The following HHIPL1 variants were observed in gnomAD, a reference collection of about 807,000 sequenced individuals.
HHIPL1 encodes the protein HHIP like 1.
A neutral mutation model predicts 61.8 loss-of-function variants in HHIPL1; 43 were observed. The ratio of observed to expected loss-of-function variants is 0.70; its 90% confidence interval spans 0.55 to 0.90. HHIPL1 has a LOEUF of 0.90. HHIPL1 is among the 40% of genes least tolerant of loss of function. The probability of loss-of-function intolerance (pLI) is 0.00; values close to 1 mark genes in which losing one functional copy is unlikely to be tolerated. For synonymous variants in HHIPL1, 482 were observed against 515.8 expected (o/e 0.93, Z 0.89); for missense variants, 1,056 against 1,157.7 (o/e 0.91, Z 1.28).
the HHIPL1 span, among the ~76,000 whole-genome samples, chr14:99,630,348 A>G: frequency 6.6e-6 from 1 of 152,158 alleles, no homozygotes; most frequent in Non-Finnish European, 1.5e-5. Context: ...GCGTTTCATC[A>G]TCTGACTCCG....
the HHIPL1 span, among the ~76,000 whole-genome samples, chr14:99,608,827 A>G: frequency 2.1e-3 from 318 of 152,298 alleles, no homozygotes; most frequent in African/African-American, 7.5e-3. Flanking sequence ...TGAGGCTCAC[A>G]CAGGTTAAGT....
intron 2 of HHIPL1, among the ~76,000 whole-genome samples, chr14:99,654,480 G>T (rs57416838): frequency 0.058 from 8,895 of 152,266 alleles, 597 homozygotes; most frequent in African/African-American, 0.16. Flanking sequence ...TCCTGCCAAT[G>T]CTGTCCACTG....
the HHIPL1 span, among the ~76,000 whole-genome samples, chr14:99,610,688 G>C: frequency 6.6e-6 from 1 of 152,110 alleles, no homozygotes; most frequent in Non-Finnish European, 1.5e-5. Flanking sequence ...TTGAACCCGG[G>C]AGGCAGAGGT....
the HHIPL1 span, among the ~76,000 whole-genome samples, chr14:99,617,815 A>G: frequency 6.6e-6 from 1 of 152,106 alleles, no homozygotes; most frequent in African/African-American, 2.4e-5. Flanking sequence ...ATTCATTTCC[A>G]GTTTGCAAAG....
intron 7 of HHIPL1, among the ~76,000 whole-genome samples, chr14:99,670,403 C>T (rs569829242): frequency 1.4e-4 from 21 of 152,282 alleles, no homozygotes; most frequent in African/African-American, 3.4e-4. Flanking sequence ...TGAGCCCCCA[C>T]GCCCAGACTC....
At chr14:99,661,697 T>G (rs781645376) in intron 5 of HHIPL1, among the ~76,000 whole-genome samples, 1 of 152,204 alleles carries the variant, frequency 6.6e-6, no homozygotes, top group Non-Finnish European at 1.5e-5. Context: ...TGAACTGGAC[T>G]CAAGCAATCC....
At chr14:99,608,356 A>G in the HHIPL1 span, among the ~76,000 whole-genome samples, 4 of 152,222 alleles carry the variant, frequency 2.6e-5, no homozygotes, top group Non-Finnish European at 4.4e-5. Flanking sequence ...GTATATGCCA[A>G]TGATTCTAAC....
the HHIPL1 span, among the ~76,000 whole-genome samples, chr14:99,630,316 C>CTGCA: frequency 1.3e-5 from 2 of 152,258 alleles, no homozygotes; most frequent in Admixed American, 1.3e-4. Context: ...CCTGGTCCAT[C>CTGCA]TGCAGTCCCT....
At chr14:99,606,133 A>G in the HHIPL1 span, among the ~76,000 whole-genome samples, 1 of 152,144 alleles carries the variant, frequency 6.6e-6, no homozygotes, top group South Asian at 2.1e-4. Context: ...ACAGATGGTC[A>G]GGGGAGGGTG....
chr14:99,670,553 CT>C lies in HHIPL1; in HGVS notation c.1731-1754del, dbSNP rs113346048. 3.1e-3 allele frequency among the ~76,000 whole-genome samples: 466 copies of C among 150,294 alleles called. 2 individuals are homozygous for C. The highest frequency in any genetic ancestry group is 0.01 in the African/African-American group (424 of 41,026). ...CTTCTCACTTTCCTTGTTTACCAGACTTTTTTTTTTCTTGTTTAAGAGCACA... is the reference window on the plus strand; with the variant it reads ...CTTCTCACTTTCCTTGTTTACCAGACTTTTTTTTTCTTGTTTAAGAGCACA... On this transcript the variant is annotated intron_variant, in intron 7 of 8. Coordinates refer to ENST00000330710, the MANE Select transcript of HHIPL1 (RefSeq NM_001127258.3).
At position 99,680,020 on chromosome 14, in the gene HHIPL1, T is replaced by A. The variant is rs2056425361; in HGVS notation, c.*4394T>A. 6.6e-6 allele frequency: 1 copy of A among 152,210 alleles called. No individual in the cohort carries two copies. The highest frequency in any genetic ancestry group is 1.5e-5 in the Non-Finnish European group (1 of 68,036). 9.4% of individuals were successfully genotyped at this position (152,210 alleles called of 1,614,324 possible). ...ACCTCGGGTGTGTCAGCTCATTTAA[T>A]CTTGACAACAGCTCCACGAGACACC... On this transcript the variant is annotated 3_prime_UTR_variant, in exon 9 of 9. Coordinates refer to ENST00000330710, the MANE Select transcript of HHIPL1 (RefSeq NM_001127258.3).
At chr14:99,645,079 G>A, upstream of HHIPL1, 1 of 787,432 alleles carries the variant, frequency 1.3e-6, no homozygotes, top group Non-Finnish European at 1.7e-6. Context: ...CTCCTAGAAG[G>A]GGAGGTCCCC....
Position 99,645,231 on chromosome 14 carries a change from G to A in HHIPL1, c.24G>A (p.Ala8=), listed in dbSNP as rs868110132. 2.3e-6 allele frequency: 3 copies of A among 1,328,882 alleles called. No homozygotes were observed. Among genetic ancestry groups the A allele is most frequent in the Middle Eastern group, 2.8e-4 (1 of 3,534 alleles). 82.3% of individuals were successfully genotyped at this position (1,328,882 alleles called of 1,614,324 possible). MARARAG[A]LLALWVLGAA... is the part of the protein sequence containing the mutation. ...CGATGGCCCGGGCCAGGGCCGGGGC[G>A]CTGCTGGCGCTTTGGGTGCTCGGGG... The change falls in exon 1 of 9, where the codon GCG becomes GCA. Residue 8 remains alanine (A), a synonymous_variant. Transcript: ENST00000330710.
At chr14:99,627,476 C>T in the HHIPL1 span, among the ~76,000 whole-genome samples, 1 of 152,238 alleles carries the variant, frequency 6.6e-6, no homozygotes, top group African/African-American at 2.4e-5. The surrounding 1 kb of genome is among the most constrained non-coding windows in gnomAD (Gnocchi z 4.4). Context: ...ATTCAGTTCC[C>T]ATCTCCTAAG....
chr14:99,642,670 C>T (rs747763547), upstream of HHIPL1, among the ~76,000 whole-genome samples: 1 of 151,924 alleles, frequency 6.6e-6, no homozygotes, highest in Non-Finnish European at 1.5e-5. Context: ...GGACTATAGG[C>T]GCCCATCACC....
intron 6 of HHIPL1, among the ~76,000 whole-genome samples, chr14:99,664,970 A>G (rs1288104250): frequency 6.6e-6 from 1 of 150,760 alleles, no homozygotes; most frequent in Non-Finnish European, 1.5e-5. Context: ...GCTGGAGTGA[A>G]GTGGTGCAAT....
At chr14:99,632,198 A>G in the HHIPL1 span, among the ~76,000 whole-genome samples, 39 of 152,362 alleles carry the variant, frequency 2.6e-4, no homozygotes, top group East Asian at 6.6e-3. Flanking sequence ...ACACAGGTGC[A>G]GGTGCCTGTG....
Position 99,675,422 on chromosome 14 carries a change from G to C in HHIPL1, c.2145G>C (p.Gln715His), listed in dbSNP as rs1333473964. ...GCGGCGCCGCCGTCGTGTGTCGCCA[G>C]CTGGGGTTTGCCTACGCCGTGCGCG... Reference protein sequence around the residue: ...NISGAAVVCRQLGFAYAVRAV... With the variant: ...NISGAAVVCRHLGFAYAVRAV... Residue 715 changes from glutamine to histidine, a missense_variant, in exon 9 of 9, where the codon CAG (glutamine) becomes CAC (histidine). Gln to His is a conservative substitution (Grantham distance 24, BLOSUM62 0). Coordinates refer to ENST00000330710, the MANE Select transcript of HHIPL1 (RefSeq NM_001127258.3). The surrounding 1 kb of genome is among the most constrained non-coding windows in gnomAD (Gnocchi z 5.4). The C allele has an allele frequency of 3.9e-6, 6 of 1,533,116 alleles. No homozygotes were observed. Among genetic ancestry groups the C allele is most frequent in the Non-Finnish European group, 5.2e-6 (6 of 1,143,402 alleles). The allele number at this position is 1,533,116 out of a possible 1,614,324, so 95.0% of individuals were successfully genotyped here.
chr14:99,640,466 G>A (rs1411499455), upstream of HHIPL1, among the ~76,000 whole-genome samples: 1 of 150,882 alleles, frequency 6.6e-6, no homozygotes, highest in African/African-American at 2.4e-5. Context: ...TGTATTTTTT[G>A]TCGAGACAGG....
Sources: gnomAD v4.1 joint callset for allele counts (sites outside exome capture counted in the v4.1 genomes callset) on GRCh38, gnomAD v4.1.1 for gene constraint, Gnocchi (gnomAD v3.1) non-coding constraint, MANE v1.5 for transcripts, NCBI Gene and HGNC (gene_info 2026-07-23, HGNC 2026-07-21) for gene names.